Variants in PCNX2 observed in about 807,000 individuals in gnomAD.
PCNX2 encodes the protein pecanex-like protein 2.
In PCNX2, 168 loss-of-function variants were observed where a neutral mutation model predicts 223.8. The ratio of observed to expected loss-of-function variants is 0.75; its 90% CI spans 0.66 to 0.85. The LOEUF (loss-of-function observed/expected upper bound fraction) is 0.85. PCNX2 is among the 40% of genes least tolerant of loss of function. PCNX2 has a pLI of 0.00. For missense variants in PCNX2, 2,507 were observed against 2,675.5 expected (o/e 0.94, Z 1.39); for synonymous variants, 1,006 against 1,052.6 (o/e 0.96, Z 0.86).
intron 21 of PCNX2, among the ~76,000 whole-genome samples, chr1:233,129,438 A>G (rs1676317001): frequency 6.6e-6 from 1 of 152,162 alleles, no homozygotes. Flanking sequence ...CTCCCCGAAG[A>G]GCGCTGCCCC....
chr1:233,270,012 AT>A (rs1660564546), intron 1 of PCNX2, among the ~76,000 whole-genome samples: 2 of 152,288 alleles, frequency 1.3e-5, no homozygotes, highest in African/African-American at 4.8e-5. Context: ...CTGCTCATCC[AT>A]TTTATCAAAT....
rs1398099361 is a variant in PCNX2 at position 233,132,313 on chromosome 1, G to C, written c.3837+2700C>G. Among the ~76,000 whole-genome samples the C allele has an allele frequency of 3.3e-5, 5 of 152,066 alleles. 1 individual carries two copies. Among genetic ancestry groups the C allele is most frequent in the Non-Finnish European group, 5.9e-5 (4 of 68,014 alleles). On this transcript the variant is annotated intron_variant, in intron 21 of 33. Coordinates refer to ENST00000258229, the MANE Select transcript of PCNX2 (RefSeq NM_014801.4). The stretch of plus-strand genomic sequence containing the variant: ...TCCTCCCCATTCTACACAGGATGTC[G>C]CTGAGTGTCTGCACCGACTAGAAGG...
intron 21 of PCNX2, among the ~76,000 whole-genome samples, chr1:233,108,132 CCAGCAGCCTT>C (rs1337811753): frequency 6.6e-6 from 1 of 152,202 alleles, no homozygotes; most frequent in Admixed American, 6.5e-5. Context: ...AAATGGGCCA[CCAGCAGCCTT>C]CTGGGCTGCG....
Position 233,161,445 on chromosome 1 carries a change from A to G in PCNX2, c.3274-82T>C. ...GTAACCAGGTAAATCAAGCAGCAGGACATTGACCCAAGATAAACTGTTTTT... is the reference window on the plus strand; with the variant it reads ...GTAACCAGGTAAATCAAGCAGCAGGGCATTGACCCAAGATAAACTGTTTTT... On this transcript the variant is annotated intron_variant, in intron 17 of 33. Transcript: ENST00000258229. The G allele has an allele frequency of 2.5e-6, 3 of 1,178,950 alleles. No homozygotes were observed. In the South Asian group the frequency reaches 3.9e-5, roughly 15 times the overall value. The allele number at this position is 1,178,950 out of a possible 1,614,324, so 73.0% of individuals were successfully genotyped here. A position where few individuals can be genotyped will look rare whatever the true frequency, so the allele number is the denominator to read the frequency against.
chr1:233,141,771 ATATG>A lies in PCNX2; in HGVS notation c.3518-1920_3518-1917del, dbSNP rs1435762738. On this transcript the variant is annotated intron_variant, in intron 19 of 33. Transcript: ENST00000258229. ...TGGGTATATATGTGTGTGTATATGT[ATATG>A]TGTGTGTGTGTGTGTGTGTGTGTGT... Among the ~76,000 whole-genome samples, 28 of 110,734 alleles carry A rather than the reference ATATG, an allele frequency of 2.5e-4. No homozygotes were observed. The East Asian group carries it at 4.6e-3, about 18-fold the overall frequency. 72.6% of individuals were successfully genotyped at this position (110,734 alleles called of 152,430 possible).
At chr1:233,270,845 T>C (rs1393912328) in intron 1 of PCNX2, among the ~76,000 whole-genome samples, 1 of 152,048 alleles carries the variant, frequency 6.6e-6, no homozygotes, top group African/African-American at 2.4e-5. Context: ...AATGGTAAGA[T>C]GAAAAAAACA....
At chr1:233,005,756 G>A (rs1017839133) in intron 28 of PCNX2, among the ~76,000 whole-genome samples, 2 of 152,200 alleles carry the variant, frequency 1.3e-5, no homozygotes, top group African/African-American at 4.8e-5. Flanking sequence ...CACCTGCAGT[G>A]CATTTCTGTT....
intron 25 of PCNX2, among the ~76,000 whole-genome samples, chr1:233,043,840 C>T (rs1440695741): frequency 6.6e-6 from 1 of 151,008 alleles, no homozygotes; most frequent in Non-Finnish European, 1.5e-5. Context: ...CAAGTCTTTG[C>T]TATTGTGAAT....
intron 15 of PCNX2, among the ~76,000 whole-genome samples, chr1:233,194,209 T>A (rs987172720): frequency 4.6e-5 from 7 of 152,128 alleles, no homozygotes; most frequent in African/African-American, 7.2e-5. Flanking sequence ...CAGATTTTTT[T>A]ATCAGAAATT....
chr1:233,031,892 A>G (rs975629054), intron 25 of PCNX2: 1 of 984,984 alleles, frequency 1.0e-6, no homozygotes, highest in Non-Finnish European at 1.2e-6. Context: ...ACTGGACTAT[A>G]AACAGTGAGG....
rs377445053 is a variant in PCNX2 at position 232,986,206 on chromosome 1, G to A, written c.6126C>T (p.Leu2042=). ...LFGKRSFSSA[L]VISGLSAAEG... Reference sequence around the variant, plus strand: ...CCGCAGCAGAGAGTCCGGAAATGACGAGCGCGCTGGAAAAGCTCCTCTTGC... The same window carrying A: ...CCGCAGCAGAGAGTCCGGAAATGACAAGCGCGCTGGAAAAGCTCCTCTTGC... Residue 2042 remains leucine, a synonymous_variant, in exon 33 of 34, where the codon CTC becomes CTT. Transcript: ENST00000258229. The A allele has an allele frequency of 3.1e-5, 49 of 1,559,190 alleles. No individual in the cohort carries two copies. Among genetic ancestry groups the A allele is most frequent in the Middle Eastern group, 3.4e-4 (2 of 5,898 alleles).
intron 21 of PCNX2, among the ~76,000 whole-genome samples, chr1:233,128,372 T>C (rs759552760): frequency 1.3e-5 from 2 of 152,152 alleles, no homozygotes; most frequent in Non-Finnish European, 2.9e-5. Flanking sequence ...TCGTGCTCTG[T>C]CGCCCAGGCT....
chr1:233,076,999 C>T (rs1673124252), intron 23 of PCNX2, among the ~76,000 whole-genome samples: 1 of 152,002 alleles, frequency 6.6e-6, no homozygotes, highest in Non-Finnish European at 1.5e-5. Flanking sequence ...TTATTCTGAC[C>T]CCTAGTTTTC....
chr1:233,195,431 A>G (rs1187009738), intron 15 of PCNX2, among the ~76,000 whole-genome samples: 1 of 152,222 alleles, frequency 6.6e-6, no homozygotes, highest in Non-Finnish European at 1.5e-5. Flanking sequence ...GCACTTTGTC[A>G]ACATTGCTCT....
intron 9 of PCNX2, among the ~76,000 whole-genome samples, chr1:233,234,924 A>G (rs1356506756): frequency 1.3e-5 from 2 of 151,708 alleles, no homozygotes; most frequent in Non-Finnish European, 2.9e-5. Flanking sequence ...GAGCTCACAG[A>G]CCTTGTACGG....
intron 1 of PCNX2, among the ~76,000 whole-genome samples, chr1:233,274,839 T>C (rs1558416162): frequency 6.6e-6 from 1 of 152,182 alleles, no homozygotes; most frequent in African/African-American, 2.4e-5. Context: ...GCTTAGGACT[T>C]TGATCTTCAT....
rs1335167257 is a variant in PCNX2 at position 233,295,437 on chromosome 1, C to T, written c.42G>A (p.Trp14Ter). 6.4e-7 allele frequency: 1 copy of T among 1,551,558 alleles called. No individual in the cohort carries two copies. The highest frequency in any genetic ancestry group is 1.4e-5 in the African/African-American group (1 of 73,178). Reference protein sequence around the residue: ...QVLQLLRQGVWAALTGGWYHD... With the variant: ...QVLQLLRQGV Reference sequence around the variant, plus strand: ...GGTACCAGCCCCCGGTGAGCGCGGCCCACACGCCCTGCCGGAGCAGCTGCA... The same window carrying T: ...GGTACCAGCCCCCGGTGAGCGCGGCTCACACGCCCTGCCGGAGCAGCTGCA... The change falls in exon 1 of 34, where the codon TGG becomes TGA. Residue 14 changes from tryptophan to a stop codon, truncating the protein, a stop_gained. Coordinates refer to ENST00000258229, the MANE Select transcript of PCNX2 (RefSeq NM_014801.4). LOFTEE classifies it high-confidence loss of function. This position sits in a 1 kb window ranked among gnomAD's most constrained non-coding sequence, Gnocchi z 4.1.
intron 25 of PCNX2, chr1:233,033,177 CTG>C (rs1187556196): frequency 4.1e-6 from 4 of 985,302 alleles, no homozygotes; most frequent in East Asian, 1.1e-4. Context: ...TTAATTGTGG[CTG>C]TGTTTGCACT....
chr1:233,206,707 G>A (rs1183715586), intron 13 of PCNX2, among the ~76,000 whole-genome samples: 1 of 152,126 alleles, frequency 6.6e-6, no homozygotes, highest in South Asian at 2.1e-4. Context: ...GAAGCATGGT[G>A]CGTAATCCTT....
Sources: allele counts gnomAD v4.1 joint callset (sites outside exome capture counted in the v4.1 genomes callset), GRCh38; gene constraint gnomAD v4.1.1; non-coding constraint Gnocchi (gnomAD v3.1); transcripts MANE v1.5; gene names NCBI Gene and HGNC (gene_info 2026-07-23, HGNC 2026-07-21).